NRXN1: variants seen among roughly 807,000 people sequenced by gnomAD.
NRXN1 encodes the protein neurexin-1.
NRXN1 carries 39 observed loss-of-function variants against 150.9 expected under a neutral mutation model. That is an observed-to-expected ratio of 0.26 (90% CI 0.20 to 0.34). The LOEUF (loss-of-function observed/expected upper bound fraction) is 0.34, where lower values mean the gene tolerates loss of function less well. Among genes scored for constraint, NRXN1 ranks in the 10% least tolerant of loss-of-function variants. NRXN1 has a pLI of 1.00. For synonymous variants in NRXN1, 924 were observed against 757.0 expected, an observed-to-expected ratio of 1.22 and a Z score of -3.62; for missense variants, 1,815 against 1,949.9, an observed-to-expected ratio of 0.93 and a Z score of 1.30.
intron 17 of NRXN1, among the ~76,000 whole-genome samples, chr2:50,450,870 T>C (rs555306380): frequency 5.3e-5 from 8 of 152,334 alleles, no homozygotes; most frequent in Non-Finnish European, 7.4e-5. Flanking sequence ...GCAGGAGAGA[T>C]AACCTCATGA....
At chr2:50,467,519 T>C (rs1263859925) in intron 16 of NRXN1, among the ~76,000 whole-genome samples, 1 of 151,540 alleles carries the variant, frequency 6.6e-6, no homozygotes, top group Admixed American at 6.6e-5. Flanking sequence ...AAATGGCTTC[T>C]AAACATGTAC....
intron 5 of NRXN1, among the ~76,000 whole-genome samples, chr2:50,664,982 T>C (rs562797254): frequency 6.6e-6 from 1 of 152,110 alleles, no homozygotes; most frequent in Admixed American, 6.6e-5. Flanking sequence ...AAAAAACAAA[T>C]CATGTTAAAC....
chr2:50,281,017 A>T (rs1442057938), intron 17 of NRXN1, among the ~76,000 whole-genome samples: 1 of 151,968 alleles, frequency 6.6e-6, no homozygotes, highest in Non-Finnish European at 1.5e-5. Context: ...TAAAAAATCC[A>T]TAATAGGCCG....
chr2:50,960,012 T>C (rs138544963), intron 2 of NRXN1, among the ~76,000 whole-genome samples: 1,968 of 152,134 alleles, frequency 0.013, 135 homozygotes, highest in Admixed American at 0.11. Context: ...TTCTCCGATG[T>C]TGAAATCATT....
intron 17 of NRXN1, among the ~76,000 whole-genome samples, chr2:50,278,216 C>T (rs1277943778): frequency 1.2e-5 from 1 of 80,102 alleles, no homozygotes; most frequent in Non-Finnish European, 2.7e-5. Context: ...CCACCCACCA[C>T]CACACCTGGC....
chr2:50,064,439 T>C (rs1695044199), intron 19 of NRXN1, among the ~76,000 whole-genome samples: 1 of 151,424 alleles, frequency 6.6e-6, no homozygotes, highest in African/African-American at 2.4e-5. Context: ...TCTTCTTTTT[T>C]TTTTTCTAAT....
At chr2:50,440,401 TTTATTA>T (rs147029219) in intron 17 of NRXN1, among the ~76,000 whole-genome samples, 2 of 151,484 alleles carry the variant, frequency 1.3e-5, no homozygotes, top group South Asian at 2.1e-4. Flanking sequence ...GACTATAGTC[TTTATTA>T]TTATTATTAT....
intron 22 of NRXN1, among the ~76,000 whole-genome samples, chr2:49,941,903 C>T (rs572391672): frequency 2.0e-5 from 3 of 152,002 alleles, no homozygotes; most frequent in East Asian, 1.9e-4. Flanking sequence ...GGCATGTGAG[C>T]GTAGAAGAAA....
intron 5 of NRXN1, among the ~76,000 whole-genome samples, chr2:50,695,931 C>A (rs1692770880): frequency 2.0e-5 from 3 of 151,138 alleles, no homozygotes; most frequent in Admixed American, 2.0e-4. Context: ...CAACCTCTGC[C>A]CTCCAGCTTC....
At chr2:50,284,945 T>C (rs1338818853) in intron 17 of NRXN1, among the ~76,000 whole-genome samples, 1 of 152,132 alleles carries the variant, frequency 6.6e-6, no homozygotes, top group African/African-American at 2.4e-5. Context: ...CACAAAAACA[T>C]CACCAAACTT....
At chr2:49,943,927 G>A (rs1672447458) in intron 21 of NRXN1, 136 bp from the exon 22 acceptor site, 1 of 725,306 alleles carries the variant, frequency 1.4e-6, no homozygotes, top group Non-Finnish European at 2.5e-6. Context: ...AAGACACAGA[G>A]CTTACATTTT....
At chr2:50,047,924 T>C (rs1429819623) in intron 21 of NRXN1, among the ~76,000 whole-genome samples, 6 of 152,136 alleles carry the variant, frequency 3.9e-5, no homozygotes. Flanking sequence ...AATGGGTATA[T>C]GAATATATTT....
intron 5 of NRXN1, among the ~76,000 whole-genome samples, chr2:50,680,533 A>T (rs986672668): frequency 5.3e-5 from 8 of 151,982 alleles, no homozygotes; most frequent in East Asian, 1.9e-4. Flanking sequence ...ACATATGAAT[A>T]AAAAAAATGT....
At chr2:50,544,404 T>C (rs567815992) in intron 9 of NRXN1, among the ~76,000 whole-genome samples, 2 of 152,214 alleles carry the variant, frequency 1.3e-5, no homozygotes, top group East Asian at 3.9e-4. Context: ...AAAACCAATG[T>C]TATCTATGAG....
intron 5 of NRXN1, among the ~76,000 whole-genome samples, chr2:50,825,929 C>T (rs1230420912): frequency 2.0e-5 from 3 of 152,174 alleles, no homozygotes; most frequent in Non-Finnish European, 4.4e-5. Flanking sequence ...GGGAAAACCC[C>T]CACACATCTC....
intron 5 of NRXN1, among the ~76,000 whole-genome samples, chr2:50,761,548 A>C (rs1474752300): frequency 6.6e-6 from 1 of 151,938 alleles, no homozygotes; most frequent in Non-Finnish European, 1.5e-5. Context: ...CTTTCTCTTT[A>C]TAAATTACCC....
chr2:50,311,135 T>C (rs957393391), intron 17 of NRXN1, among the ~76,000 whole-genome samples: 1 of 152,086 alleles, frequency 6.6e-6, no homozygotes, highest in Non-Finnish European at 1.5e-5. Context: ...TTCTATTAGA[T>C]AGGGTTTTAT....
At chr2:50,067,904 T>C (rs1191213536) in intron 19 of NRXN1, among the ~76,000 whole-genome samples, 1 of 152,216 alleles carries the variant, frequency 6.6e-6, no homozygotes, top group African/African-American at 2.4e-5. Context: ...TTCTTGTTTT[T>C]TGAAAATTGG....
At chr2:50,349,102 C>A (rs532454334) in intron 17 of NRXN1, among the ~76,000 whole-genome samples, 1 of 152,202 alleles carries the variant, frequency 6.6e-6, no homozygotes, top group Non-Finnish European at 1.5e-5. Flanking sequence ...TCCAGTGGCC[C>A]CCAAATCACA....
Sources: gnomAD v4.1 joint callset for allele counts (sites outside exome capture counted in the v4.1 genomes callset) on GRCh38, gnomAD v4.1.1 for gene constraint, MANE v1.5 for transcripts, NCBI Gene and HGNC (gene_info 2026-07-23, HGNC 2026-07-21) for gene names.